The following TRAK1 variants were observed in gnomAD, a reference collection of about 807,000 sequenced individuals.
The protein encoded by TRAK1 is trafficking kinesin protein 1, also known as trafficking kinesin-binding protein 1.
TRAK1 carries 33 observed loss-of-function variants against 92.1 expected under a neutral mutation model. The observed-to-expected ratio is 0.36, with a 90% CI of 0.27 to 0.48. TRAK1 has a LOEUF of 0.48. Ranked by LOEUF, TRAK1 falls within the 20% of genes least tolerant of loss-of-function variation. TRAK1 has a pLI of 0.99. For missense variants in TRAK1, 1,123 were observed against 1,257.9 expected (o/e 0.89, Z 1.62); for synonymous variants, 521 against 517.3 (o/e 1.01, Z -0.10).
At chr3:42,085,297 G>C (rs1437889479), upstream of TRAK1, among the ~76,000 whole-genome samples, 1 of 152,082 alleles carries the variant, frequency 6.6e-6, no homozygotes. Flanking sequence ...CCTCCTGAGT[G>C]GCTGGGTTTA....
chr3:42,109,463 A>G (rs375732641), intron 1 of TRAK1, among the ~76,000 whole-genome samples: 1 of 152,236 alleles, frequency 6.6e-6, no homozygotes, highest in African/African-American at 2.4e-5. Context: ...TCAACTGTGA[A>G]AGTGCTAGAG....
chr3:42,112,752 A>AAG (rs540538169), intron 1 of TRAK1, among the ~76,000 whole-genome samples: 58,249 of 139,190 alleles, frequency 0.42, 13,788 homozygotes, highest in South Asian at 0.59. Flanking sequence ...AAAAAAAAAA[A>AAG]AAAACCAACT....
rs144435526 is a variant in TRAK1 at position 42,065,566 on chromosome 3, A to G, written c.-518-21538A>G. On this transcript the variant is annotated intron_variant, in intron 1 of 16. Transcript: ENST00000487159. The stretch of plus-strand genomic sequence containing the variant: ...TATTCAGTTTGATATTAATCAGACA[A>G]TATCAAACTGAATAGCCTTTACCCA... Among the ~76,000 whole-genome samples the G allele has an allele frequency of 7.2e-3, 1,098 of 152,200 alleles. 11 individuals carry two copies. Among genetic ancestry groups the G allele is most frequent in the African/African-American group, 0.024 (1,006 of 41,528 alleles).
intron 2 of TRAK1, among the ~76,000 whole-genome samples, chr3:42,127,950 G>C (rs187114021): frequency 0.017 from 2,534 of 152,220 alleles, 23 homozygotes; most frequent in Non-Finnish European, 0.025. Flanking sequence ...AGGCCGAGGC[G>C]GGTGAATCAC....
chr3:42,079,477 C>CTTTTT (rs748826131), intron 1 of TRAK1, among the ~76,000 whole-genome samples: 36 of 136,246 alleles, frequency 2.6e-4, no homozygotes, highest in Admixed American at 3.0e-4. Context: ...GCTCCTTCTT[C>CTTTTT]TTTTTTTTTT....
At chr3:42,076,674 GT>G (rs1480888916) in intron 1 of TRAK1, among the ~76,000 whole-genome samples, 1 of 152,126 alleles carries the variant, frequency 6.6e-6, no homozygotes, top group African/African-American at 2.4e-5. Flanking sequence ...GTTGTAATTG[GT>G]TTTAGAGTCT....
In TRAK1 at chr3:42,212,179, A is replaced by G. The variant is rs889366266; in HGVS notation, c.1963+2194A>G. The G allele has an allele frequency of 5.1e-6, 5 of 985,356 alleles. No homozygotes were observed. In the Admixed American group the frequency reaches 1.8e-4, roughly 36 times the overall value. 61.0% of individuals were successfully genotyped at this position (985,356 alleles called of 1,614,324 possible). A position where few individuals can be genotyped will look rare whatever the true frequency, so the allele number is the denominator to read the frequency against. On this transcript the variant is annotated intron_variant, in intron 14 of 15. Transcript: ENST00000327628. ...TGCCTGCAATCATGGAGACACAGGCAGACAGATAAGCTTCATGGGGAAGGC... is the reference window on the plus strand; with the variant it reads ...TGCCTGCAATCATGGAGACACAGGCGGACAGATAAGCTTCATGGGGAAGGC...
chr3:42,013,582 G>C (rs1210713974), upstream of TRAK1, among the ~76,000 whole-genome samples: 8 of 150,518 alleles, frequency 5.3e-5, no homozygotes, highest in Non-Finnish European at 1.0e-4. This position sits in a 1 kb window ranked among gnomAD's most constrained non-coding sequence, Gnocchi z 5.1. Context: ...GGCTGGGAAG[G>C]GGGAGGGCTC....
intron 13 of TRAK1, among the ~76,000 whole-genome samples, chr3:42,208,252 TG>T (rs906756777): frequency 5.9e-5 from 9 of 152,214 alleles, no homozygotes; most frequent in African/African-American, 2.2e-4. Context: ...CCCTTAAAAC[TG>T]GGATAAGCCT....
chr3:42,138,853 G>T (rs1378746389), intron 2 of TRAK1, among the ~76,000 whole-genome samples: 2 of 148,646 alleles, frequency 1.3e-5, no homozygotes, highest in African/African-American at 4.9e-5. Flanking sequence ...TTATGAGGTG[G>T]TGACCTAAAA....
chr3:42,070,747 A>C lies in TRAK1; in HGVS notation c.-518-16357A>C, dbSNP rs76286959. ...CCCAGCACTGAATTGTCTTTAATAA[A>C]GATACAGAAGGTGTGGCACAGTAGC... On this transcript the variant is annotated intron_variant, in intron 1 of 16. Coordinates refer to the TRAK1 transcript ENST00000487159. Among the ~76,000 whole-genome samples the C allele has an allele frequency of 7.1e-3, 1,084 of 152,342 alleles. 52 individuals carry two copies. In the East Asian group the frequency reaches 0.13, roughly 18 times the overall value.
chr3:42,220,402 C>G, intron 15 of TRAK1: 2 of 847,486 alleles, frequency 2.4e-6, no homozygotes, highest in Non-Finnish European at 2.8e-6. Context: ...CAGCTGTTTC[C>G]TCTGTGGTGT....
chr3:42,088,567 G>T (rs73828536), upstream of TRAK1, among the ~76,000 whole-genome samples: 1 of 152,134 alleles, frequency 6.6e-6, no homozygotes, highest in Non-Finnish European at 1.5e-5. Flanking sequence ...CGTGTTTCCC[G>T]CAGGCCAGTG....
chr3:42,167,038 G>A (rs1701959114), intron 2 of TRAK1, among the ~76,000 whole-genome samples: 1 of 152,204 alleles, frequency 6.6e-6, no homozygotes, highest in Admixed American at 6.5e-5. Context: ...CATCAATTAA[G>A]TGGCGTAGTC....
chr3:42,199,316 C>A, intron 11 of TRAK1, 63 bp downstream of exon 11: 1 of 1,528,142 alleles, frequency 6.5e-7, no homozygotes, highest in South Asian at 1.1e-5. Context: ...GTGCAGTGTT[C>A]AAAACCTAGC....
intron 12 of TRAK1, 109 bp downstream of exon 12, chr3:42,201,163 A>C: frequency 8.3e-7 from 1 of 1,210,364 alleles, no homozygotes; most frequent in South Asian, 1.3e-5. Context: ...GAGTCACCTG[A>C]AAAATACAGA....
chr3:42,162,331 A>T (rs1226659851), intron 2 of TRAK1, among the ~76,000 whole-genome samples: 5 of 151,426 alleles, frequency 3.3e-5, no homozygotes, highest in African/African-American at 1.2e-4. Context: ...CGAGAGAGAG[A>T]CCCTCTCTTT....
chr3:42,058,430 C>T (rs138919146), intron 1 of TRAK1, among the ~76,000 whole-genome samples: 13,207 of 152,110 alleles, frequency 0.087, 628 homozygotes, highest in Non-Finnish European at 0.11. Context: ...CTCTGCCTCC[C>T]GGGTTCAAGC....
rs1288153996 is a variant in TRAK1 at position 42,223,058 on chromosome 3, G to A, written c.2183G>A (p.Arg728His). The change falls in exon 16 of 16, where the codon CGT becomes CAT. Residue 728 changes from arginine (R) to histidine (H), a missense_variant. Arg to His is a conservative substitution (Grantham distance 29). Coordinates refer to ENST00000327628, the MANE Select transcript of TRAK1 (RefSeq NM_001042646.3). The surrounding 1 kb of genome is among the most constrained non-coding windows in gnomAD (Gnocchi z 6.1). ...LSLAESFTNT[R>H]ESTTTMSTSL... ...CTGGCTGAGTCCTTCACTAACACCCGTGAGTCCACGACCACCATGAGCACA... is the reference window on the plus strand; with the variant it reads ...CTGGCTGAGTCCTTCACTAACACCCATGAGTCCACGACCACCATGAGCACA... The A allele has an allele frequency of 5.6e-6, 9 of 1,614,000 alleles. No homozygotes were observed. Among genetic ancestry groups the A allele is most frequent in the Non-Finnish European group, 7.6e-6 (9 of 1,180,018 alleles).
Sources: allele counts gnomAD v4.1 joint callset (sites outside exome capture counted in the v4.1 genomes callset), GRCh38; gene constraint gnomAD v4.1.1; non-coding constraint Gnocchi (gnomAD v3.1); transcripts MANE v1.5; gene names NCBI Gene and HGNC (gene_info 2026-07-23, HGNC 2026-07-21).